The following TRIOBP variants were observed in gnomAD, a reference collection of about 807,000 sequenced individuals.
TRIOBP encodes TRIO and F-actin-binding protein.
TRIOBP carries 169 observed loss-of-function variants against 238.8 expected under a neutral mutation model. That is an observed-to-expected ratio of 0.71 (90% CI 0.62 to 0.80). The LOEUF (loss-of-function observed/expected upper bound fraction) is 0.80. Among genes scored for constraint, TRIOBP ranks in the 30% least tolerant of loss-of-function variants. The pLI, the probability that TRIOBP is intolerant of heterozygous loss-of-function variation, is 0.00. For missense variants in TRIOBP, 2,838 were observed against 3,122.6 expected (o/e 0.91, Z 2.17); for synonymous variants, 1,150 against 1,274.4 (o/e 0.90, Z 2.08).
Position 37,773,834 on chromosome 22 carries a change from C to T in TRIOBP, c.*54C>T, listed in dbSNP as rs571195430. The T allele has an allele frequency of 2.0e-5, 3 of 152,792 alleles. No homozygotes were observed. The highest frequency in any genetic ancestry group is 4.4e-5 in the Non-Finnish European group (3 of 68,212). The allele number at this position is 152,792 out of a possible 1,614,324, so 9.5% of individuals were successfully genotyped here. ...GCTGGAGGACCAGCCGCCCTCCTTC[C>T]CTCCTGGATGGAAGTAAAAAGCCAA... On this transcript the variant is annotated 3_prime_UTR_variant, in exon 24 of 24. Coordinates refer to ENST00000644935, the MANE Select transcript of TRIOBP (RefSeq NM_001039141.3).
chr22:37,754,529 CT>C (rs982246314), intron 12 of TRIOBP, among the ~76,000 whole-genome samples: 15 of 151,902 alleles, frequency 9.9e-5, no homozygotes, highest in African/African-American at 3.1e-4. Context: ...TGGTGATGAT[CT>C]GGGGGAATAT....
chr22:37,724,583 G>A lies in TRIOBP; in HGVS notation c.2027G>A (p.Cys676Tyr). The change falls in exon 7 of 24, where the codon TGT becomes TAT. Residue 676 changes from cysteine to tyrosine, a missense_variant. Physicochemically the swap from Cys to Tyr is radical, Grantham distance 194. This residue lies in a region of TRIOBP where 167 missense variants were observed against 200.2 expected (regional missense o/e 0.83). Coordinates refer to ENST00000644935, the MANE Select transcript of TRIOBP (RefSeq NM_001039141.3). ...CAACAAGAGAACCCCAGAACATCCT[G>A]TGCCCTACGGGACAATCCCAGAGCC... is the stretch of plus-strand genomic sequence containing the variant. ...TIQQENPRTS[C>Y]ALRDNPRASS... 1.2e-6 allele frequency: 2 copies of A among 1,609,296 alleles called. No individual in the cohort carries two copies. The highest frequency in any genetic ancestry group is 4.5e-5 in the East Asian group (2 of 44,554).
At position 37,713,678 on chromosome 22, in the gene TRIOBP, C is replaced by T. The variant is rs139252035; in HGVS notation, c.456+267C>T. ...GCCGACAGGAGCTCTGGGTGAATCA[C>T]CAGCAGGCTCGGGCTGCCACATGCT... On this transcript the variant is annotated intron_variant, in intron 5 of 23. Transcript: ENST00000644935. Among the ~76,000 whole-genome samples, 547 of 152,316 alleles carry T rather than the reference C, an allele frequency of 3.6e-3. 7 individuals carry two copies. Among genetic ancestry groups the T allele is most frequent in the African/African-American group, 0.013 (529 of 41,580 alleles).
At chr22:37,742,215 T>A (rs1169351711) in intron 11 of TRIOBP, among the ~76,000 whole-genome samples, 1 of 148,460 alleles carries the variant, frequency 6.7e-6, no homozygotes, top group African/African-American at 2.5e-5. Context: ...CACCTTGACC[T>A]CCAAAGTGCT....
At chr22:37,721,352 T>G (rs1338483931) in intron 6 of TRIOBP, among the ~76,000 whole-genome samples, 1 of 152,146 alleles carries the variant, frequency 6.6e-6, no homozygotes, top group Non-Finnish European at 1.5e-5. Flanking sequence ...TGCTGGGAAC[T>G]CAGACTTTCA....
At chr22:37,731,947 A>G (rs1277749793) in intron 7 of TRIOBP, among the ~76,000 whole-genome samples, 1 of 152,138 alleles carries the variant, frequency 6.6e-6, no homozygotes, top group Non-Finnish European at 1.5e-5. Context: ...CAGGCCCACC[A>G]CAGACAGCAG....
intron 7 of TRIOBP, among the ~76,000 whole-genome samples, chr22:37,731,917 C>T (rs993705799): frequency 1.3e-5 from 2 of 151,212 alleles, no homozygotes; most frequent in Non-Finnish European, 3.0e-5. Context: ...AGGTGTCGTT[C>T]CAGCATGGCT....
chr22:37,705,495 T>TG (rs1922890196), intron 3 of TRIOBP, among the ~76,000 whole-genome samples: 1 of 151,056 alleles, frequency 6.6e-6, no homozygotes, highest in South Asian at 2.1e-4. Context: ...GGATGGAGAA[T>TG]GGGGGGAGGC....
At chr22:37,766,122 G>A (rs867622372) in intron 18 of TRIOBP, among the ~76,000 whole-genome samples, 7 of 152,180 alleles carry the variant, frequency 4.6e-5, no homozygotes, top group South Asian at 2.1e-4. Flanking sequence ...TGCTACCCAC[G>A]TGCGTGGGGG....
At chr22:37,711,771 A>G (rs1306590675) in intron 4 of TRIOBP, among the ~76,000 whole-genome samples, 1 of 152,164 alleles carries the variant, frequency 6.6e-6, no homozygotes, top group Admixed American at 6.6e-5. Context: ...TAACGGAAGT[A>G]GAGAAGTATG....
chr22:37,749,187 T>A (rs1006880929), intron 11 of TRIOBP, among the ~76,000 whole-genome samples: 5 of 152,042 alleles, frequency 3.3e-5, no homozygotes, highest in Admixed American at 6.6e-5. Flanking sequence ...AAATCCCATC[T>A]CTACTAAAAA....
chr22:37,699,003 T>C (rs901139304), intron 2 of TRIOBP, among the ~76,000 whole-genome samples: 1 of 152,104 alleles, frequency 6.6e-6, no homozygotes, highest in African/African-American at 2.4e-5. Flanking sequence ...TAGCCAGGCA[T>C]GACGGTGCAT....
intron 16 of TRIOBP, 30 bp from the exon 17 acceptor site, chr22:37,759,124 G>C: frequency 6.3e-7 from 1 of 1,576,996 alleles, no homozygotes; most frequent in Non-Finnish European, 8.6e-7. Flanking sequence ...CCAGCTTCCA[G>C]GTCCCACTGA....
At position 37,710,387 on chromosome 22, in the gene TRIOBP, G is replaced by A. The variant is rs552859354; in HGVS notation, c.115-40G>A. On this transcript the variant is annotated intron_variant, in intron 3 of 23. Transcript: ENST00000644935. ...TGTGCAGGGGGAGGGGAGCCCCCACGTGGGCGCTGAGCTGTCTCCTCTCTC... is the reference window on the plus strand; with the variant it reads ...TGTGCAGGGGGAGGGGAGCCCCCACATGGGCGCTGAGCTGTCTCCTCTCTC... 41 of 1,610,902 alleles carry A rather than the reference G, an allele frequency of 2.5e-5. No individual in the cohort carries two copies. The South Asian group carries it at 3.0e-4, about 12-fold the overall frequency.
At chr22:37,773,071 C>T (rs1269671587) in intron 23 of TRIOBP, among the ~76,000 whole-genome samples, 1 of 152,202 alleles carries the variant, frequency 6.6e-6, no homozygotes, top group Non-Finnish European at 1.5e-5. Flanking sequence ...ATCCCTGACC[C>T]CCACAGTGAA....
intron 6 of TRIOBP, among the ~76,000 whole-genome samples, chr22:37,719,531 A>G (rs1569038311): frequency 6.6e-6 from 1 of 152,202 alleles, no homozygotes. Flanking sequence ...TCAGGCACTC[A>G]GCAGACGTTT....
Position 37,725,581 on chromosome 22 carries a change from C to T in TRIOBP, c.3025C>T (p.Pro1009Ser), listed in dbSNP as rs1302625805. 1 of 1,613,900 alleles carries T rather than the reference C, an allele frequency of 6.2e-7. No individual in the cohort carries two copies. The highest frequency in any genetic ancestry group is 1.1e-5 in the South Asian group (1 of 91,088). ...AYGAPLTSPE[P>S]SQPPCAVCIG... ...TGGGGCTCCCCTGACCTCTCCTGAG[C>T]CCTCCCAGCCTCCATGTGCTGTGTG... Residue 1009 changes from proline to serine, a missense_variant, in exon 7 of 24, where the codon CCC becomes TCC. Physicochemically the swap from Pro to Ser is moderately conservative, Grantham distance 74. Coordinates refer to ENST00000644935, the MANE Select transcript of TRIOBP (RefSeq NM_001039141.3).
At position 37,754,990 on chromosome 22, in the gene TRIOBP, G is replaced by T. The variant is rs373223933; in HGVS notation, c.5487+6G>T. On this transcript the variant is annotated splice_donor_region_variant and intron_variant, in intron 13 of 23. Coordinates refer to ENST00000644935, the MANE Select transcript of TRIOBP (RefSeq NM_001039141.3). The stretch of plus-strand genomic sequence containing the variant: ...GAGACTCCACTGCTGAGGAGGTGAG[G>T]CCATGGGTGTACTGATGAACCCCCG... 7 of 1,613,692 alleles carry T rather than the reference G, an allele frequency of 4.3e-6. No individual in the cohort carries two copies. In the African/African-American group the frequency reaches 9.3e-5, roughly 22 times the overall value.
Position 37,768,144 on chromosome 22 carries a change from G to T in TRIOBP, c.6543G>T (p.Gln2181His). The T allele has an allele frequency of 2.5e-6, 4 of 1,613,500 alleles. No homozygotes were observed. Among genetic ancestry groups the T allele is most frequent in the Non-Finnish European group, 3.4e-6 (4 of 1,179,748 alleles). The change falls in exon 19 of 24, where the codon CAG becomes CAT. Residue 2181 changes from glutamine (Q) to histidine (H), a missense_variant. Physicochemically the swap from Gln to His is conservative, Grantham distance 24 (BLOSUM62 0). Transcript: ENST00000644935. ...SRELSKTRSL[Q>H]QGPDGLRKQH... ...AGCTGAGCAAAACACGGAGTCTCCA[G>T]CAGGGCCCGGATGGCCTCCGGAAGC...
Sources: allele counts gnomAD v4.1 joint callset (sites outside exome capture counted in the v4.1 genomes callset), GRCh38; gene constraint gnomAD v4.1.1; regional missense constraint gnomAD v4.1.1; transcripts MANE v1.5; gene names NCBI Gene and HGNC (gene_info 2026-07-23, HGNC 2026-07-21).